The following ALS2 variants were observed in gnomAD, a reference collection of about 807,000 sequenced individuals.
ALS2 encodes the protein alsin Rho guanine nucleotide exchange factor ALS2.
In ALS2, 117 loss-of-function variants were observed where a neutral mutation model predicts 203.4. That is an observed-to-expected ratio of 0.58 (90% CI 0.50 to 0.67). The LOEUF (loss-of-function observed/expected upper bound fraction) is 0.67. Ranked by LOEUF, ALS2 falls within the 30% of genes least tolerant of loss-of-function variation. The probability of loss-of-function intolerance (pLI) is 0.00; values close to 1 mark genes in which losing one functional copy is unlikely to be tolerated. For synonymous variants in ALS2, 718 were observed against 725.9 expected (o/e 0.99, Z 0.17); for missense variants, 1,715 against 1,989.4 (o/e 0.86, Z 2.62).
At position 201,737,916 on chromosome 2, in the gene ALS2, C is replaced by T. The variant is rs546067023; in HGVS notation, c.2417+754G>A. On this transcript the variant is annotated intron_variant, in intron 12 of 33. Transcript: ENST00000264276. ...CAGCCTGGATGACAGAGCGAGACCC[C>T]GTCTCAAAAAAAAAAAAGCAAACAT... Among the ~76,000 whole-genome samples, 704 of 150,448 alleles carry T rather than the reference C, an allele frequency of 4.7e-3. 3 individuals are homozygous for T. The highest frequency in any genetic ancestry group is 0.016 in the African/African-American group (669 of 40,972).
chr2:201,734,976 G>A (rs1320350461), intron 12 of ALS2, among the ~76,000 whole-genome samples: 1 of 152,196 alleles, frequency 6.6e-6, no homozygotes, highest in Non-Finnish European at 1.5e-5. Context: ...CAGATGAACT[G>A]ATTGATAAAA....
At chr2:201,754,818 A>T (rs909522985) in intron 5 of ALS2, 147 bp from the exon 6 acceptor site, 26 of 827,908 alleles carry the variant, frequency 3.1e-5, no homozygotes, top group Non-Finnish European at 4.7e-5. Context: ...AGAAAAGGGG[A>T]CCTGTTAGTC....
intron 1 of ALS2, chr2:201,778,425 T>A (rs894607617): frequency 6.6e-6 from 1 of 152,030 alleles, no homozygotes; most frequent in Non-Finnish European, 1.5e-5. Flanking sequence ...ATTTAAATAT[T>A]TTTTCCTCTA....
intron 24 of ALS2, 69 bp downstream of exon 24, chr2:201,718,008 C>A: frequency 6.6e-7 from 1 of 1,505,600 alleles, no homozygotes; most frequent in South Asian, 1.2e-5. Context: ...AAATATTAAC[C>A]AGCTTTGATA....
Position 201,738,448 on chromosome 2 carries a change from C to A in ALS2, c.2417+222G>T, listed in dbSNP as rs900080052. 2.2e-5 allele frequency: 12 copies of A among 551,374 alleles called. 1 individual carries two copies. The highest frequency in any genetic ancestry group is 3.8e-5 in the African/African-American group (2 of 52,574). 34.2% of individuals were successfully genotyped at this position (551,374 alleles called of 1,614,324 possible). A position where few individuals can be genotyped will look rare whatever the true frequency, so the allele number is the denominator to read the frequency against. On this transcript the variant is annotated intron_variant, in intron 12 of 33. Coordinates refer to ENST00000264276, the MANE Select transcript of ALS2 (RefSeq NM_020919.4). Reference sequence around the variant, plus strand: ...AAGGATAGCACAGAAGGACCCCGAACCTGAGCCTAGTCATTCAGTACTTTT... The same window carrying A: ...AAGGATAGCACAGAAGGACCCCGAAACTGAGCCTAGTCATTCAGTACTTTT...
At position 201,711,087 on chromosome 2, in the gene ALS2, T is replaced by C. The variant is rs747815477; in HGVS notation, c.4026A>G (p.Ser1342=). The C allele has an allele frequency of 8.7e-6, 14 of 1,609,052 alleles. No homozygotes were observed. Among genetic ancestry groups the C allele is most frequent in the Non-Finnish European group, 1.1e-5 (13 of 1,175,642 alleles). The change falls in exon 26 of 34, where the codon TCA becomes TCG. Residue 1342 remains serine, a synonymous_variant. Transcript: ENST00000264276. ...CCAAACTCTCTAGTGTCTGAGTCTGTGAACGACTCAGTATTTCTGGACTAT... is the reference window on the plus strand; with the variant it reads ...CCAAACTCTCTAGTGTCTGAGTCTGCGAACGACTCAGTATTTCTGGACTAT... ...HRDSPEILSR[S]QTQTLESLEF...
At chr2:201,703,803 T>G (rs1574652939) in intron 33 of ALS2, among the ~76,000 whole-genome samples, 2 of 152,348 alleles carry the variant, frequency 1.3e-5, no homozygotes, top group Admixed American at 1.3e-4. Context: ...TTGGAAACTT[T>G]CTTGGACACT....
intron 19 of ALS2, 103 bp from the exon 20 acceptor site, chr2:201,725,557 A>G (rs1691114880): frequency 1.0e-6 from 1 of 980,156 alleles, no homozygotes; most frequent in African/African-American, 1.6e-5. Context: ...GACAGAGAAA[A>G]CATTCACCTG....
intron 3 of ALS2, 37 bp downstream of exon 3, chr2:201,767,192 T>C (rs758565092): frequency 3.0e-5 from 49 of 1,613,408 alleles, no homozygotes; most frequent in African/African-American, 6.7e-5. Flanking sequence ...TTTGTTAGCA[T>C]TGCAGTTCGT....
chr2:201,718,356 T>A (rs773940442), intron 23 of ALS2, 146 bp from the exon 24 acceptor site: 1 of 886,196 alleles, frequency 1.1e-6, no homozygotes, highest in Non-Finnish European at 1.8e-6. Context: ...GCTTCCTGGG[T>A]TAAAGTGATC....
chr2:201,770,968 T>C (rs1255882667), intron 1 of ALS2, among the ~76,000 whole-genome samples: 2 of 152,116 alleles, frequency 1.3e-5, no homozygotes, highest in Non-Finnish European at 2.9e-5. Context: ...ACTAAGTTCA[T>C]AACAATTTGT....
chr2:201,727,918 G>A, intron 15 of ALS2, 143 bp from the exon 16 acceptor site: 2 of 838,334 alleles, frequency 2.4e-6, no homozygotes, highest in South Asian at 2.9e-5. Context: ...GCCCATGTAG[G>A]TGCCACCAAT....
chr2:201,725,185 G>A (rs1329073356), intron 20 of ALS2, among the ~76,000 whole-genome samples, 171 bp downstream of exon 20: 1 of 151,658 alleles, frequency 6.6e-6, no homozygotes, highest in Non-Finnish European at 1.5e-5. Flanking sequence ...ATAGATGAGG[G>A]GTTAACCTTT....
intron 10 of ALS2, among the ~76,000 whole-genome samples, chr2:201,743,414 C>A (rs950942963): frequency 6.6e-6 from 1 of 152,194 alleles, no homozygotes; most frequent in Non-Finnish European, 1.5e-5. Flanking sequence ...TACCCCGTCA[C>A]TTCCAACCTC....
chr2:201,758,268 A>G (rs776201141), intron 4 of ALS2, among the ~76,000 whole-genome samples: 10 of 152,196 alleles, frequency 6.6e-5, no homozygotes, highest in Non-Finnish European at 1.3e-4. Context: ...ATAAATTGAA[A>G]TTTAGATATA....
At chr2:201,766,327 T>G (rs774042915) in intron 3 of ALS2, among the ~76,000 whole-genome samples, 1 of 152,112 alleles carries the variant, frequency 6.6e-6, no homozygotes, top group African/African-American at 2.4e-5. Flanking sequence ...AGTAAGAATA[T>G]ATCTTGAAAA....
chr2:201,745,886 T>C (rs954173029), intron 9 of ALS2, among the ~76,000 whole-genome samples: 3 of 152,014 alleles, frequency 2.0e-5, no homozygotes, highest in African/African-American at 7.3e-5. Context: ...GAGGCAGAGG[T>C]TGCAATGGGC....
intron 12 of ALS2, among the ~76,000 whole-genome samples, chr2:201,735,417 A>G (rs748522932): frequency 1.1e-4 from 16 of 152,244 alleles, no homozygotes; most frequent in Non-Finnish European, 2.1e-4. Flanking sequence ...CATAATAATC[A>G]AACCACCAGG....
intron 3 of ALS2, among the ~76,000 whole-genome samples, chr2:201,764,949 T>C (rs1482655682): frequency 6.6e-6 from 1 of 152,168 alleles, no homozygotes; most frequent in African/African-American, 2.4e-5. Context: ...TCAGTTGTCC[T>C]AGCCTTGAAG....
Sources: gnomAD v4.1 joint callset for allele counts (sites outside exome capture counted in the v4.1 genomes callset) on GRCh38, gnomAD v4.1.1 for gene constraint, MANE v1.5 for transcripts, NCBI Gene and HGNC (gene_info 2026-07-23, HGNC 2026-07-21) for gene names.